The following TUSC3 variants were observed in gnomAD, a reference collection of about 807,000 sequenced individuals.
TUSC3 encodes the protein dolichyl-diphosphooligosaccharide--protein glycosyltransferase subunit TUSC3.
Under a neutral mutation model 44.8 loss-of-function variants are expected in TUSC3, and 45 were observed. That is an observed-to-expected ratio of 1.00 (90% CI 0.79 to 1.29). The LOEUF (loss-of-function observed/expected upper bound fraction) is 1.29, where lower values mean the gene tolerates loss of function less well. Among genes scored for constraint, TUSC3 ranks in the 50% most tolerant of loss-of-function variants. The pLI, the probability that TUSC3 is intolerant of heterozygous loss-of-function variation, is 0.00. For synonymous variants in TUSC3, 212 were observed against 152.9 expected, an observed-to-expected ratio of 1.39 and a Z score of -2.85; for missense variants, 519 against 437.9, an observed-to-expected ratio of 1.19 and a Z score of -1.65.
At chr8:15,586,966 A>T (rs1269806367) in intron 1 of TUSC3, among the ~76,000 whole-genome samples, 1 of 152,214 alleles carries the variant, frequency 6.6e-6, no homozygotes, top group African/African-American at 2.4e-5. Flanking sequence ...GATGAATGCT[A>T]AAGTTTGAGA....
At chr8:15,531,058 T>G (rs909125375) in intron 2 of TUSC3, among the ~76,000 whole-genome samples, 4 of 152,130 alleles carry the variant, frequency 2.6e-5, no homozygotes, top group Non-Finnish European at 4.4e-5. Flanking sequence ...CTGTGTGTGC[T>G]CACCTGCTAG....
At chr8:15,790,179 C>CTTTTTTTTTTTTT in the TUSC3 span, among the ~76,000 whole-genome samples, 1 of 72,232 alleles carries the variant, frequency 1.4e-5, no homozygotes, top group Non-Finnish European at 2.4e-5. Context: ...TTGTTAAGGC[C>CTTTTTTTTTTTTT]TTTTTTTTTT....
At chr8:15,837,790 A>G in the TUSC3 span, among the ~76,000 whole-genome samples, 1 of 152,182 alleles carries the variant, frequency 6.6e-6, no homozygotes, top group South Asian at 2.1e-4. Flanking sequence ...TTTTCTGGTG[A>G]GTATTCTTTG....
chr8:15,423,973 T>TTG (rs1563247160), intron 1 of TUSC3, among the ~76,000 whole-genome samples: 3 of 23,526 alleles, frequency 1.3e-4, no homozygotes, highest in African/African-American at 3.1e-4. Context: ...TGCTTTGTTT[T>TTG]TTTTTTTTTT....
chr8:15,833,727 A>T, the TUSC3 span, among the ~76,000 whole-genome samples: 8 of 152,126 alleles, frequency 5.3e-5, no homozygotes, highest in African/African-American at 1.7e-4. Flanking sequence ...CACAGAAAAT[A>T]ACTAATGGGT....
intron 1 of TUSC3, among the ~76,000 whole-genome samples, chr8:15,472,094 T>G (rs1800501173): frequency 1.3e-5 from 2 of 152,256 alleles, no homozygotes; most frequent in Non-Finnish European, 2.9e-5. Context: ...TCCTTAGCTT[T>G]GAGAAAACTT....
chr8:15,722,774 T>C (rs1810349761), intron 6 of TUSC3, among the ~76,000 whole-genome samples: 1 of 152,010 alleles, frequency 6.6e-6, no homozygotes, highest in African/African-American at 2.4e-5. Flanking sequence ...CTTACACTGG[T>C]AAGATATTTT....
At chr8:15,709,182 T>C (rs774518247) in intron 6 of TUSC3, among the ~76,000 whole-genome samples, 1 of 151,886 alleles carries the variant, frequency 6.6e-6, no homozygotes, top group Non-Finnish European at 1.5e-5. Context: ...ATAATCTGTC[T>C]TGGAAGATCA....
chr8:15,429,873 A>G (rs1585784938), intron 1 of TUSC3, among the ~76,000 whole-genome samples: 2 of 151,760 alleles, frequency 1.3e-5, no homozygotes, highest in Non-Finnish European at 2.9e-5. Flanking sequence ...ATAAACTAGA[A>G]AATCTAGAAG....
At chr8:15,600,080 A>G (rs1184830638) in intron 1 of TUSC3, among the ~76,000 whole-genome samples, 1 of 151,684 alleles carries the variant, frequency 6.6e-6, no homozygotes, top group Non-Finnish European at 1.5e-5. Context: ...ATTAGGCGGG[A>G]CTTCTAGTAT....
the TUSC3 span, among the ~76,000 whole-genome samples, chr8:15,793,011 C>A: frequency 1.1e-4 from 16 of 152,144 alleles, no homozygotes; most frequent in East Asian, 2.7e-3. Flanking sequence ...AAAAATAGAA[C>A]CAATGAGAAG....
chr8:15,543,233 A>G (rs1801748558), intron 1 of TUSC3, among the ~76,000 whole-genome samples: 1 of 138,990 alleles, frequency 7.2e-6, no homozygotes, highest in South Asian at 2.1e-4. Flanking sequence ...ATTTACTATT[A>G]ATATAATAAA....
intron 1 of TUSC3, among the ~76,000 whole-genome samples, chr8:15,430,803 G>A (rs1333982841): frequency 6.6e-6 from 1 of 151,678 alleles, no homozygotes; most frequent in African/African-American, 2.4e-5. Context: ...AAACCAATGT[G>A]CAAAAATCAC....
At chr8:15,815,734 G>T in the TUSC3 span, among the ~76,000 whole-genome samples, 1 of 152,056 alleles carries the variant, frequency 6.6e-6, no homozygotes. Flanking sequence ...TTTGAACAAT[G>T]AGTTCAAATC....
chr8:15,638,689 C>T (rs1348247313), intron 2 of TUSC3, among the ~76,000 whole-genome samples: 2 of 151,786 alleles, frequency 1.3e-5, no homozygotes, highest in Non-Finnish European at 2.9e-5. Context: ...CCACGCCTGG[C>T]TAATTTTTGT....
chr8:15,590,089 T>G (rs981966366), intron 1 of TUSC3, among the ~76,000 whole-genome samples: 6 of 152,170 alleles, frequency 3.9e-5, no homozygotes, highest in African/African-American at 1.4e-4. Flanking sequence ...GACTTAGTAT[T>G]TAGGAGGTCA....
intron 1 of TUSC3, among the ~76,000 whole-genome samples, chr8:15,611,457 G>T (rs1352933358): frequency 6.6e-6 from 1 of 152,188 alleles, no homozygotes; most frequent in Non-Finnish European, 1.5e-5. Flanking sequence ...AAAGTGCTGG[G>T]ATTACAGGCG....
the TUSC3 span, among the ~76,000 whole-genome samples, chr8:15,787,503 A>T: frequency 6.6e-6 from 1 of 152,212 alleles, no homozygotes; most frequent in Non-Finnish European, 1.5e-5. Flanking sequence ...TCAGGAAAAT[A>T]TATTATTTGA....
intron 1 of TUSC3, among the ~76,000 whole-genome samples, chr8:15,442,750 C>T (rs1800037622): frequency 6.6e-6 from 1 of 152,102 alleles, no homozygotes; most frequent in Non-Finnish European, 1.5e-5. Context: ...GAATGAATGT[C>T]ATTGATAACA....
Sources: allele counts gnomAD v4.1 joint callset (sites outside exome capture counted in the v4.1 genomes callset), GRCh38; gene constraint gnomAD v4.1.1; transcripts MANE v1.5; gene names NCBI Gene and HGNC (gene_info 2026-07-23, HGNC 2026-07-21).